Variants in GGT5 observed in about 807,000 individuals in gnomAD.
GGT5 encodes gamma-glutamyltransferase 5.
In GGT5, 50 loss-of-function variants were observed where a neutral mutation model predicts 58.1. The ratio of observed to expected loss-of-function variants is 0.86; its 90% CI spans 0.69 to 1.09. GGT5 has a LOEUF of 1.09. Ranked by LOEUF, GGT5 falls within the 50% of genes least tolerant of loss-of-function variation. The pLI, the probability that GGT5 is intolerant of heterozygous loss-of-function variation, is 0.00. For synonymous variants in GGT5, 370 were observed against 346.1 expected (o/e 1.07, Z -0.77); for missense variants, 800 against 789.4 (o/e 1.01, Z -0.16).
At position 24,226,197 on chromosome 22, in the gene GGT5, C is replaced by T. The variant is rs779678448; in HGVS notation, c.1108G>A (p.Asp370Asn). 12 of 1,608,180 alleles carry T rather than the reference C, an allele frequency of 7.5e-6. No homozygotes were observed. The East Asian group carries it at 2.2e-4, about 30-fold the overall frequency. ...LIRQQIDGRG[D>N]HQLSHYSLAE... is the part of the protein sequence containing the mutation. ...AAGCTGTAGTGGCTGAGCTGGTGGT[C>T]CCCCCGGCCATCGATCTGTTGGCGG... The change falls in exon 8 of 12, where the codon GAC (aspartate) becomes AAC (asparagine). Residue 370 changes from aspartate (D) to asparagine (N), a missense_variant. Physicochemically the swap from Asp to Asn is conservative, Grantham distance 23 (BLOSUM62 1). Transcript: ENST00000327365.
chr22:24,238,930 ATAT>A (rs1178482805), intron 1 of GGT5, among the ~76,000 whole-genome samples: 285 of 26,892 alleles, frequency 0.011, 42 homozygotes, highest in African/African-American at 0.02. Context: ...TATATAATAT[ATAT>A]TATATAATAT....
chr22:24,238,405 G>A (rs368262385), intron 1 of GGT5, among the ~76,000 whole-genome samples: 12 of 151,526 alleles, frequency 7.9e-5, no homozygotes, highest in Middle Eastern at 3.4e-3. Context: ...GGTGTCATGC[G>A]CCTGTTGTAA....
chr22:24,223,562 G>A (rs572397780), intron 11 of GGT5, among the ~76,000 whole-genome samples: 1 of 152,146 alleles, frequency 6.6e-6, no homozygotes. Flanking sequence ...CAAACTCCAA[G>A]AGTTTGAGCC....
intron 1 of GGT5, among the ~76,000 whole-genome samples, chr22:24,238,429 G>A (rs2048163246): frequency 6.6e-6 from 1 of 151,426 alleles, no homozygotes; most frequent in Non-Finnish European, 1.5e-5. Context: ...CAGCTACTTG[G>A]GAGACTGAGG....
Position 24,219,994 on chromosome 22 carries a change from C to T in GGT5, c.1737G>A (p.Lys579=). 6.2e-7 allele frequency: 1 copy of T among 1,614,186 alleles called. No individual in the cohort carries two copies. The highest frequency in any genetic ancestry group is 8.5e-7 in the Non-Finnish European group (1 of 1,180,008). The change falls in exon 12 of 12, where the codon AAG becomes AAA. Residue 579 remains lysine (K), a synonymous_variant. Coordinates refer to ENST00000327365, the MANE Select transcript of GGT5 (RefSeq NM_004121.5). ...CTTAGTAGCCTGCGGCCTCCCCACTCTTCCTCAGGTCCGAGACGGCGTACA... is the reference window on the plus strand; with the variant it reads ...CTTAGTAGCCTGCGGCCTCCCCACTTTTCCTCAGGTCCGAGACGGCGTACA... ...ACVYAVSDLR[K]SGEAAGY
chr22:24,232,352 G>A (rs919074385), intron 4 of GGT5, 144 bp from the exon 5 acceptor site: 38 of 561,716 alleles, frequency 6.8e-5, no homozygotes, highest in Non-Finnish European at 1.1e-4. Flanking sequence ...TGGACACCGG[G>A]GAACTGATTC....
Position 24,226,722 on chromosome 22 carries a change from A to G in GGT5, c.947T>C (p.Val316Ala). 6.2e-7 allele frequency: 1 copy of G among 1,613,524 alleles called. No individual in the cohort carries two copies. The highest frequency in any genetic ancestry group is 8.5e-7 in the Non-Finnish European group (1 of 1,179,718). ...TESMARPEGRVNVYHHLVETL... is the reference protein window; with the variant it reads ...TESMARPEGRANVYHHLVETL... ...CTCTACAAGGTGGTGGTACACGTTCACCCTCCCTTCAGGCCTGGCCATAGA... is the reference window on the plus strand; with the variant it reads ...CTCTACAAGGTGGTGGTACACGTTCGCCCTCCCTTCAGGCCTGGCCATAGA... Residue 316 changes from valine (V) to alanine (A), a missense_variant, in exon 7 of 12, where the codon GTG becomes GCG. Physicochemically the swap from Val to Ala is moderately conservative, Grantham distance 64 (BLOSUM62 0). Coordinates refer to ENST00000327365, the MANE Select transcript of GGT5 (RefSeq NM_004121.5).
At position 24,244,585 on chromosome 22, in the gene GGT5, G is replaced by A. The variant is rs113629183; in HGVS notation, c.141C>T (p.Ala47=). ...TATCCGAGCAGACCTTGGAGTCGGC[G>A]GCAACAGCAGCGTGGGCAAAGGCCT... ...GPQAFAHAAV[A]ADSKVCSDIG... is the part of the protein sequence containing the mutation. Residue 47 remains alanine, a synonymous_variant, in exon 1 of 12, where the codon GCC becomes GCT. Transcript: ENST00000327365. 379 of 1,612,198 alleles carry A rather than the reference G, an allele frequency of 2.4e-4. 1 individual carries two copies. The highest frequency in any genetic ancestry group is 8.1e-4 in the Middle Eastern group (4 of 4,956).
intron 1 of GGT5, among the ~76,000 whole-genome samples, chr22:24,235,374 G>A (rs5996676): frequency 0.47 from 71,915 of 152,150 alleles, 17,205 homozygotes; most frequent in Admixed American, 0.57. Context: ...CAGCATTTAA[G>A]CCCCAGTTGC....
chr22:24,225,569 C>A lies in GGT5; in HGVS notation c.1313G>T (p.Gly438Val). 1 of 1,612,430 alleles carries A rather than the reference C, an allele frequency of 6.2e-7. No individual in the cohort carries two copies. The highest frequency in any genetic ancestry group is 1.1e-5 in the South Asian group (1 of 91,038). ...LLDLCERCPRGSGTTPSPVSG... is the reference protein window; with the variant it reads ...LLDLCERCPRVSGTTPSPVSG... ...ACCAGGTGAGGGGGTGGTGCCGGAA[C>A]CCCGGGGGCATCGCTCGCATAAGTC... The change falls in exon 9 of 12, where the codon GGT (glycine) becomes GTT (valine). Residue 438 changes from glycine to valine, a missense_variant. Gly to Val is a moderately radical substitution (Grantham distance 109, BLOSUM62 -3). Transcript: ENST00000327365.
In GGT5 at chr22:24,231,434, G is replaced by A. The variant is rs757470393; in HGVS notation, c.851C>T (p.Pro284Leu). 1.9e-5 allele frequency: 29 copies of A among 1,559,708 alleles called. No homozygotes were observed. The highest frequency in any genetic ancestry group is 1.7e-4 in the Middle Eastern group (1 of 5,924). ...PLGDYTLYSP[P>L]PPAGGAILSF... ...GAGAATGGCACCCCCTGCAGGCGGC[G>A]GTGGTGAGTACAGGGTATAGTCCCC... The change falls in exon 6 of 12, where the codon CCG becomes CTG. Residue 284 changes from proline to leucine, a missense_variant. Transcript: ENST00000327365.
chr22:24,239,847 C>T (rs1478767388), intron 1 of GGT5, among the ~76,000 whole-genome samples: 7 of 151,540 alleles, frequency 4.6e-5, no homozygotes, highest in Admixed American at 2.0e-4. Context: ...TTTAGGACGC[C>T]GAGGTAAGCA....
chr22:24,232,095 G>C lies in GGT5; in HGVS notation c.710C>G (p.Thr237Arg). The C allele has an allele frequency of 6.2e-7, 1 of 1,612,912 alleles. No homozygotes were observed. The highest frequency in any genetic ancestry group is 8.5e-7 in the Non-Finnish European group (1 of 1,179,342). Residue 237 changes from threonine (T) to arginine (R), a missense_variant, in exon 5 of 12, where the codon ACG becomes AGG. By Grantham distance (71) the Thr-to-Arg change is moderately conservative. Transcript: ENST00000327365. ...CACCAGCATCTGGCCCAGCCTCCCC[G>C]TGTAGAAGACCTCCACGCCCTCTGT... Reference protein sequence around the residue: ...VATEGVEVFYTGRLGQMLVED... With the variant: ...VATEGVEVFYRGRLGQMLVED...
chr22:24,244,898 A>G lies in GGT5; in HGVS notation c.-173T>C. The G allele has an allele frequency of 8.5e-7, 1 of 1,172,106 alleles. No homozygotes were observed. Among genetic ancestry groups the G allele is most frequent in the East Asian group, 2.6e-5 (1 of 38,574 alleles). The allele number at this position is 1,172,106 out of a possible 1,614,324, so 72.6% of individuals were successfully genotyped here. On this transcript the variant is annotated 5_prime_UTR_variant, in exon 1 of 12. Transcript: ENST00000327365. ...GGATCGACAGATAGGCCAGATAGCT[A>G]GACAAAGAGGACAGTAAGAGAAAGA...
chr22:24,228,608 G>A (rs565333865), intron 6 of GGT5, among the ~76,000 whole-genome samples: 9 of 151,956 alleles, frequency 5.9e-5, no homozygotes, highest in South Asian at 4.2e-4. Flanking sequence ...CCGCCACCAC[G>A]CCTGGCTAAT....
At chr22:24,220,515 G>GC (rs2047558709) in intron 11 of GGT5, 1 of 459,936 alleles carries the variant, frequency 2.2e-6, no homozygotes, top group Non-Finnish European at 4.3e-6. Context: ...AATTTGGGAG[G>GC]CTGAGGAAGG....
chr22:24,222,831 A>C (rs1323539949), intron 11 of GGT5, among the ~76,000 whole-genome samples: 1 of 152,146 alleles, frequency 6.6e-6, no homozygotes, highest in Non-Finnish European at 1.5e-5. Flanking sequence ...TAATCCCAGC[A>C]CTTTGGGAGG....
chr22:24,226,624 A>G lies in GGT5; in HGVS notation c.1038+7T>C. 6.2e-7 allele frequency: 1 copy of G among 1,613,674 alleles called. No homozygotes were observed. Among genetic ancestry groups the G allele is most frequent in the Non-Finnish European group, 8.5e-7 (1 of 1,179,766 alleles). On this transcript the variant is annotated splice_region_variant and intron_variant, in intron 7 of 11. Coordinates refer to ENST00000327365, the MANE Select transcript of GGT5 (RefSeq NM_004121.5). ...GCCCACCAGCCCAGCAACCTCAGCAACCTCACCTGGAGCTTCGGGTGGCTT... is the reference window on the plus strand; with the variant it reads ...GCCCACCAGCCCAGCAACCTCAGCAGCCTCACCTGGAGCTTCGGGTGGCTT...
intron 1 of GGT5, among the ~76,000 whole-genome samples, chr22:24,239,356 A>G (rs933001454): frequency 1.3e-5 from 2 of 152,010 alleles, no homozygotes; most frequent in Admixed American, 6.6e-5. Context: ...AAAGGGTAAC[A>G]GAAGAGGTAA....
Sources: allele counts gnomAD v4.1 joint callset (sites outside exome capture counted in the v4.1 genomes callset), GRCh38; gene constraint gnomAD v4.1.1; transcripts MANE v1.5; gene names NCBI Gene and HGNC (gene_info 2026-07-23, HGNC 2026-07-21).